The following OSBPL1A variants were observed in gnomAD, a reference collection of about 807,000 sequenced individuals.
OSBPL1A encodes oxysterol-binding protein-related protein 1.
A neutral mutation model predicts 137.1 loss-of-function variants in OSBPL1A; 80 were observed. The ratio of observed to expected loss-of-function variants is 0.58; its 90% CI spans 0.49 to 0.70. OSBPL1A has a LOEUF of 0.70. OSBPL1A is among the 30% of genes least tolerant of loss of function. The pLI is 0.00. For synonymous variants in OSBPL1A, 365 were observed against 389.7 expected, an observed-to-expected ratio of 0.94 and a Z score of 0.75; for missense variants, 970 against 1,129.4, an observed-to-expected ratio of 0.86 and a Z score of 2.02.
chr18:24,163,211 T>C lies in OSBPL1A; in HGVS notation c.2821A>G (p.Arg941Gly). 1 of 1,613,268 alleles carries C rather than the reference T, an allele frequency of 6.2e-7. No homozygotes were observed. The highest frequency in any genetic ancestry group is 8.5e-7 in the Non-Finnish European group (1 of 1,179,308). Residue 941 changes from arginine to glycine, a missense_variant, in exon 28 of 28, where the codon AGA becomes GGA. Transcript: ENST00000319481. Reference protein sequence around the residue: ...DWIYSGSYWDRNYFNLPDIY With the variant: ...DWIYSGSYWDGNYFNLPDIY ...ATGTCAGGCAAATTGAAGTAATTTC[T>C]GTCCCAGTAGCTGCCAGAGTAAATC...
intron 1 of OSBPL1A, among the ~76,000 whole-genome samples, chr18:24,391,817 G>A (rs1907381013): frequency 6.6e-6 from 1 of 151,966 alleles, no homozygotes; most frequent in Non-Finnish European, 1.5e-5. Context: ...CAAAAAATCA[G>A]GAAGCATCTA....
chr18:24,170,187 TAA>T (rs2086240976), intron 24 of OSBPL1A, 138 bp downstream of exon 24: 3 of 1,012,298 alleles, frequency 3.0e-6, no homozygotes, highest in Non-Finnish European at 4.4e-6. Context: ...GTCTGATCAT[TAA>T]AAAGAGAAAA....
intron 1 of OSBPL1A, among the ~76,000 whole-genome samples, chr18:24,382,190 G>A (rs1262600119): frequency 1.3e-5 from 2 of 148,714 alleles, no homozygotes; most frequent in Non-Finnish European, 3.0e-5. Context: ...CACGAGGTCA[G>A]GAGTTCGAGA....
At position 24,166,600 on chromosome 18, in the gene OSBPL1A, C is replaced by A. The variant is rs1323862814; in HGVS notation, c.2638G>T (p.Ala880Ser). 1.9e-6 allele frequency: 3 copies of A among 1,612,534 alleles called. No individual in the cohort carries two copies. Among genetic ancestry groups the A allele is most frequent in the African/African-American group, 2.7e-5 (2 of 74,768 alleles). ...TDCRLRPDIR[A>S]MENGEIDQAS... ...TTACCTATCTCTCCATTTTCCATGG[C>A]TCTGATGTCAGGCCGTAACCTGCAG... is the stretch of plus-strand genomic sequence containing the variant. The change falls in exon 26 of 28, where the codon GCC (alanine) becomes TCC (serine). Residue 880 changes from alanine (A) to serine (S), a missense_variant. Coordinates refer to ENST00000319481, the MANE Select transcript of OSBPL1A (RefSeq NM_080597.4).
intron 4 of OSBPL1A, among the ~76,000 whole-genome samples, chr18:24,352,513 G>A (rs962562847): frequency 6.6e-6 from 1 of 152,124 alleles, no homozygotes; most frequent in Non-Finnish European, 1.5e-5. Flanking sequence ...TAGATTCAAT[G>A]CCATCCCCAT....
At chr18:24,261,150 G>A (rs1164696022) in intron 15 of OSBPL1A, among the ~76,000 whole-genome samples, 7 of 151,952 alleles carry the variant, frequency 4.6e-5, no homozygotes, top group African/African-American at 7.2e-5. Context: ...GCCAGAACCC[G>A]CCCCCAAAAG....
At chr18:24,391,185 A>G (rs1171692621) in intron 1 of OSBPL1A, among the ~76,000 whole-genome samples, 2 of 152,206 alleles carry the variant, frequency 1.3e-5, no homozygotes, top group African/African-American at 4.8e-5. Flanking sequence ...TAAATCACTC[A>G]CAAAAGGACA....
chr18:24,379,499 GAC>G (rs1347062163), intron 1 of OSBPL1A, among the ~76,000 whole-genome samples: 1 of 139,260 alleles, frequency 7.2e-6, no homozygotes, highest in Non-Finnish European at 1.6e-5. Flanking sequence ...CAGCCTGGGT[GAC>G]AGAGTGAGAC....
At position 24,377,311 on chromosome 18, in the gene OSBPL1A, T is replaced by G. The variant is rs373918963; in HGVS notation, c.121+102A>C. ...GTGGGGTTCTTCCTAGCATGAGAGA[T>G]AGAGATTAATTACATGATAGATAAG... On this transcript the variant is annotated intron_variant, in intron 2 of 27. Coordinates refer to ENST00000319481, the MANE Select transcript of OSBPL1A (RefSeq NM_080597.4). 2.6e-3 allele frequency: 3,529 copies of G among 1,351,482 alleles called. 9 individuals carry two copies. Among genetic ancestry groups the G allele is most frequent in the Non-Finnish European group, 3.1e-3 (3,171 of 1,017,658 alleles). 83.7% of individuals were successfully genotyped at this position (1,351,482 alleles called of 1,614,324 possible).
At chr18:24,375,816 G>A (rs1194978075) in intron 2 of OSBPL1A, among the ~76,000 whole-genome samples, 2 of 152,150 alleles carry the variant, frequency 1.3e-5, no homozygotes, top group Non-Finnish European at 2.9e-5. Flanking sequence ...CAACTGCAAT[G>A]TCTTCAAGAA....
chr18:24,341,952 T>C (rs528803424), intron 4 of OSBPL1A, among the ~76,000 whole-genome samples: 11 of 152,344 alleles, frequency 7.2e-5, no homozygotes, highest in African/African-American at 2.6e-4. Context: ...TTAAATGTAT[T>C]AGTAAACAAA....
chr18:24,331,203 G>A (rs1015572960), intron 7 of OSBPL1A, among the ~76,000 whole-genome samples: 1 of 152,158 alleles, frequency 6.6e-6, no homozygotes, highest in African/African-American at 2.4e-5. Context: ...TGAAGTATGA[G>A]GCCTGCCCTT....
chr18:24,288,366 C>A (rs771950023), intron 14 of OSBPL1A, among the ~76,000 whole-genome samples: 1 of 152,130 alleles, frequency 6.6e-6, no homozygotes, highest in Non-Finnish European at 1.5e-5. Flanking sequence ...TAGATTATAC[C>A]CTAAGGCACT....
intron 18 of OSBPL1A, among the ~76,000 whole-genome samples, chr18:24,192,230 C>G (rs2086906719): frequency 6.6e-6 from 1 of 152,110 alleles, no homozygotes. Context: ...CACCAACGAC[C>G]TAACCTCTGG....
At chr18:24,344,688 T>C (rs2091317420) in intron 4 of OSBPL1A, among the ~76,000 whole-genome samples, 1 of 152,034 alleles carries the variant, frequency 6.6e-6, no homozygotes, top group Non-Finnish European at 1.5e-5. Flanking sequence ...CCTGGATGCC[T>C]AGAGCTGAGC....
At chr18:24,388,437 G>A (rs1276021362) in intron 1 of OSBPL1A, among the ~76,000 whole-genome samples, 1 of 151,996 alleles carries the variant, frequency 6.6e-6, no homozygotes, top group African/African-American at 2.4e-5. Flanking sequence ...CCTTACAAAA[G>A]GTACATCTAG....
At chr18:24,180,952 T>G (rs528907836) in intron 19 of OSBPL1A, among the ~76,000 whole-genome samples, 193 bp downstream of exon 19, 1 of 152,332 alleles carries the variant, frequency 6.6e-6, no homozygotes, top group South Asian at 2.1e-4. Context: ...CTGCTTCTCC[T>G]GCAATACTCA....
intron 15 of OSBPL1A, among the ~76,000 whole-genome samples, chr18:24,279,132 A>G (rs897568076): frequency 3.0e-4 from 45 of 151,670 alleles, no homozygotes; most frequent in African/African-American, 1.1e-3. Context: ...AAATGTGTAT[A>G]TGCTCGCCAT....
At chr18:24,352,455 A>C (rs1484741400) in intron 4 of OSBPL1A, among the ~76,000 whole-genome samples, 1 of 152,274 alleles carries the variant, frequency 6.6e-6, no homozygotes, top group East Asian at 1.9e-4. Context: ...GCTCATGGGT[A>C]GGAAGAATCA....
Sources: gnomAD v4.1 joint callset for allele counts (sites outside exome capture counted in the v4.1 genomes callset) on GRCh38, gnomAD v4.1.1 for gene constraint, MANE v1.5 for transcripts, NCBI Gene and HGNC (gene_info 2026-07-23, HGNC 2026-07-21) for gene names.